NRXN2: variants seen among roughly 807,000 people sequenced by gnomAD.
NRXN2 encodes the protein neurexin 2.
Under a neutral mutation model 128.8 loss-of-function variants are expected in NRXN2, and 29 were observed. The ratio of observed to expected loss-of-function variants is 0.23; its 90% confidence interval spans 0.17 to 0.31. The LOEUF is 0.31. Among genes scored for constraint, NRXN2 ranks in the 10% least tolerant of loss-of-function variants. NRXN2 has a pLI of 1.00. For synonymous variants in NRXN2, 1,098 were observed against 1,075.2 expected (o/e 1.02, Z -0.41); for missense variants, 1,881 against 2,452.6 (o/e 0.77, Z 4.92).
intron 15 of NRXN2, among the ~76,000 whole-genome samples, chr11:64,649,245 C>T (rs2047137025): frequency 6.6e-6 from 1 of 152,160 alleles, no homozygotes; most frequent in Non-Finnish European, 1.5e-5. Flanking sequence ...GATGCGCAGC[C>T]CAATCCCGTC....
chr11:64,674,381 A>G (rs1347849715), intron 7 of NRXN2, among the ~76,000 whole-genome samples: 2 of 152,002 alleles, frequency 1.3e-5, no homozygotes, highest in African/African-American at 4.8e-5. Context: ...TAGTAGAGAC[A>G]GGTTTTCACC....
Position 64,609,351 on chromosome 11 carries a change from G to A in NRXN2, c.4253-1269C>T, listed in dbSNP as rs115243886. Among the ~76,000 whole-genome samples the A allele has an allele frequency of 3.9e-3, 590 of 151,994 alleles. 7 individuals carry two copies. Among genetic ancestry groups the A allele is most frequent in the African/African-American group, 0.013 (537 of 41,414 alleles). ...ATAGTTAAAACAATAACAAAACAAC[G>A]GAAAGAAGAAGAAAGCAAAAAAAGA... On this transcript the variant is annotated intron_variant, in intron 22 of 22. Transcript: ENST00000265459.
At chr11:64,671,647 G>A (rs1441445677) in intron 7 of NRXN2, among the ~76,000 whole-genome samples, 1 of 152,030 alleles carries the variant, frequency 6.6e-6, no homozygotes, top group Non-Finnish European at 1.5e-5. Flanking sequence ...GCCAGAGAAA[G>A]GCAGCCAGGT....
intron 17 of NRXN2, among the ~76,000 whole-genome samples, chr11:64,636,840 C>G (rs367621237): frequency 1.3e-5 from 2 of 152,016 alleles, no homozygotes; most frequent in African/African-American, 4.8e-5. Flanking sequence ...CCCTCAGGTA[C>G]CTCGGGGTCT....
intron 22 of NRXN2, among the ~76,000 whole-genome samples, chr11:64,614,247 G>A (rs927440390): frequency 3.9e-5 from 6 of 152,282 alleles, no homozygotes; most frequent in East Asian, 3.9e-4. Flanking sequence ...GTTGCCCCCC[G>A]CCCCCGCAAC....
intron 22 of NRXN2, among the ~76,000 whole-genome samples, chr11:64,612,803 C>T (rs2040874453): frequency 6.6e-6 from 1 of 152,266 alleles, no homozygotes; most frequent in South Asian, 2.1e-4. Context: ...AGAAAGCCAC[C>T]AGCCTACAGG....
rs2047056670 is a variant in NRXN2 at position 64,648,676 on chromosome 11, G to A, written c.3283+58C>T. On this transcript the variant is annotated intron_variant, in intron 16 of 22. Transcript: ENST00000265459. This position sits in a 1 kb window ranked among gnomAD's most constrained non-coding sequence, Gnocchi z 4.1. Reference sequence around the variant, plus strand: ...AGGCTACCTGCCCCGGTCTGCCTCTGCAGCTGGCCATCCTGTAGCCAGTAG... The same window carrying A: ...AGGCTACCTGCCCCGGTCTGCCTCTACAGCTGGCCATCCTGTAGCCAGTAG... 1.9e-6 allele frequency: 3 copies of A among 1,604,516 alleles called. No individual in the cohort carries two copies. The highest frequency in any genetic ancestry group is 2.6e-6 in the Non-Finnish European group (3 of 1,173,048).
In NRXN2 at chr11:64,606,929, C is replaced by A; in HGVS notation, c.*267G>T. 1.9e-6 allele frequency: 1 copy of A among 526,252 alleles called. No homozygotes were observed. The highest frequency in any genetic ancestry group is 2.5e-5 in the South Asian group (1 of 39,904). 32.6% of individuals were successfully genotyped at this position (526,252 alleles called of 1,614,324 possible). A position where few individuals can be genotyped will look rare whatever the true frequency, so the allele number is the denominator to read the frequency against. On this transcript the variant is annotated 3_prime_UTR_variant, in exon 23 of 23. Transcript: ENST00000265459. Reference sequence around the variant, plus strand: ...TACCCCCTTAAAAAAATAAATCAACCCAGGGCTGTGAGCACGTGCCCTGCC... The same window carrying A: ...TACCCCCTTAAAAAAATAAATCAACACAGGGCTGTGAGCACGTGCCCTGCC...
chr11:64,650,573 G>A lies in NRXN2; in HGVS notation c.2984C>T (p.Pro995Leu). 1 of 1,614,180 alleles carries A rather than the reference G, an allele frequency of 6.2e-7. No homozygotes were observed. Among genetic ancestry groups the A allele is most frequent in the Non-Finnish European group, 8.5e-7 (1 of 1,180,032 alleles). ...GTTGTGCCACTGGTTGTCATTGACTGGTTTGTCTGAGTTCCCCTTCATCAA... is the reference window on the plus strand; with the variant it reads ...GTTGTGCCACTGGTTGTCATTGACTAGTTTGTCTGAGTTCCCCTTCATCAA... ...PSLMKGNSDK[P>L]VNDNQWHNVV... The change falls in exon 15 of 23, where the codon CCA (proline) becomes CTA (leucine). Residue 995 changes from proline to leucine, a missense_variant. Physicochemically the swap from Pro to Leu is moderately conservative, Grantham distance 98 (BLOSUM62 -3). Coordinates refer to ENST00000265459, the MANE Select transcript of NRXN2 (RefSeq NM_015080.4).
At chr11:64,610,691 A>G (rs1176654795) in intron 22 of NRXN2, among the ~76,000 whole-genome samples, 1 of 152,138 alleles carries the variant, frequency 6.6e-6, no homozygotes, top group African/African-American at 2.4e-5. Context: ...GGATGAACAA[A>G]TATGTCTTCC....
chr11:64,620,625 G>A (rs927668488), intron 21 of NRXN2, among the ~76,000 whole-genome samples: 3 of 151,134 alleles, frequency 2.0e-5, no homozygotes, highest in Non-Finnish European at 2.9e-5. Context: ...CAGCACACAT[G>A]GTGCTTTTTA....
chr11:64,644,416 T>TG (rs934927109), intron 17 of NRXN2, among the ~76,000 whole-genome samples: 3 of 151,782 alleles, frequency 2.0e-5, no homozygotes, highest in Admixed American at 6.6e-5. Flanking sequence ...TCTCCCTCCA[T>TG]GGGGGGTCTA....
At chr11:64,688,637 A>C (rs1174814363) in intron 5 of NRXN2, 1 of 985,290 alleles carries the variant, frequency 1.0e-6, no homozygotes. Context: ...CAGCGCTTGC[A>C]CAATTACCGC....
chr11:64,613,326 A>T (rs1259787716), intron 22 of NRXN2, among the ~76,000 whole-genome samples: 1 of 152,260 alleles, frequency 6.6e-6, no homozygotes, highest in Non-Finnish European at 1.5e-5. Context: ...GCACATGTCC[A>T]TATGTGAACA....
At chr11:64,650,320 C>T (rs2047283609) in intron 15 of NRXN2, 128 bp downstream of exon 15, 2 of 930,972 alleles carry the variant, frequency 2.1e-6, no homozygotes, top group Non-Finnish European at 3.5e-6. Flanking sequence ...ATAGTGGAGA[C>T]AGGGAAAGAG....
intron 1 of NRXN2, among the ~76,000 whole-genome samples, chr11:64,716,056 C>T (rs528838299): frequency 6.6e-6 from 1 of 152,290 alleles, no homozygotes; most frequent in East Asian, 1.9e-4. Context: ...AAAGGGACAA[C>T]CCTGTGGCCA....
chr11:64,649,806 C>T (rs1320702546), intron 15 of NRXN2, among the ~76,000 whole-genome samples: 2 of 152,118 alleles, frequency 1.3e-5, no homozygotes, highest in African/African-American at 2.4e-5. Flanking sequence ...CCTCAGTAGG[C>T]TCTGGAGAAG....
chr11:64,645,878 AG>A (rs1474588542), intron 17 of NRXN2, among the ~76,000 whole-genome samples: 2 of 152,026 alleles, frequency 1.3e-5, no homozygotes, highest in African/African-American at 4.8e-5. Context: ...TCTTGAAACC[AG>A]GGCCTGCCTG....
chr11:64,698,844 G>A (rs192171096), intron 2 of NRXN2, among the ~76,000 whole-genome samples: 1 of 152,300 alleles, frequency 6.6e-6, no homozygotes, highest in Admixed American at 6.5e-5. Flanking sequence ...AGAGGATGGA[G>A]GTGCCCCCAG....
Sources: gnomAD v4.1 joint callset for allele counts (sites outside exome capture counted in the v4.1 genomes callset) on GRCh38, gnomAD v4.1.1 for gene constraint, Gnocchi (gnomAD v3.1) non-coding constraint, MANE v1.5 for transcripts, NCBI Gene and HGNC (gene_info 2026-07-23, HGNC 2026-07-21) for gene names.